Variants in HUWE1 observed in about 807,000 individuals in gnomAD.
HUWE1 encodes HECT, UBA and WWE domain containing E3 ubiquitin protein ligase 1, also known as E3 ubiquitin-protein ligase HUWE1.
Under a neutral mutation model 299.4 loss-of-function variants are expected in HUWE1, and 18 were observed. That is an observed-to-expected ratio of 0.06 (90% CI 0.04 to 0.09). The LOEUF is 0.09. Ranked by LOEUF, HUWE1 falls within the 10% of genes least tolerant of loss-of-function variation. HUWE1 has a pLI of 1.00. For synonymous variants in HUWE1, 1,317 were observed against 1,286.1 expected (o/e 1.02, Z -0.51); for missense variants, 1,832 against 3,462.3 (o/e 0.53, Z 11.82).
chrX:53,612,037 T>G (rs1557002854), intron 23 of HUWE1, among the ~76,000 whole-genome samples: 1 of 111,404 alleles, frequency 9.0e-6, no homozygotes, highest in Admixed American at 9.5e-5. Flanking sequence ...TCCAAATCTT[T>G]CTAAGCCCTT....
At chrX:53,679,519 G>T (rs2070018576) in intron 3 of HUWE1, among the ~76,000 whole-genome samples, 1 of 112,021 alleles carries the variant, frequency 8.9e-6, no homozygotes, top group East Asian at 2.8e-4. Flanking sequence ...GCTGGGCCTG[G>T]TGGCTCACGC....
At chrX:53,681,520 A>G (rs1336834108) in intron 2 of HUWE1, among the ~76,000 whole-genome samples, 2 of 111,561 alleles carry the variant, frequency 1.8e-5, no homozygotes, top group Non-Finnish European at 3.8e-5. Context: ...TAAAATGGCA[A>G]TAACACAACA....
Position 53,607,620 on chromosome X carries a change from A to G in HUWE1, c.2399T>C (p.Leu800Ser). 1.7e-6 allele frequency: 2 copies of G among 1,207,296 alleles called. No homozygotes were observed. The highest frequency in any genetic ancestry group is 2.2e-6 in the Non-Finnish European group (2 of 891,280). Residue 800 changes from leucine to serine, a missense_variant, in exon 25 of 84, where the codon TTG becomes TCG. Leu to Ser is a moderately radical substitution (Grantham distance 145, BLOSUM62 -2). This residue lies in a region of HUWE1 where 658 missense variants were observed against 1,282.6 expected (regional missense o/e 0.51). Transcript: ENST00000262854. ...CQEFVNQKGL[L>S]PLVTILGLPN... ...AAGACCCAAAATGGTAACCAAAGGCAACAGTCCTTTCTGATTCACAAATTC... is the reference window on the plus strand; with the variant it reads ...AAGACCCAAAATGGTAACCAAAGGCGACAGTCCTTTCTGATTCACAAATTC...
In HUWE1 at chrX:53,631,405, A is replaced by ACAT. The variant is rs1165196414; in HGVS notation, c.762+6_762+8dup. On this transcript the variant is annotated intron_variant, in intron 11 of 83. Transcript: ENST00000262854. ...CACATCCTGTGGATGTTTTAAAGCC[A>ACAT]CATCATACCTGCTTATCCTTAGGAA... The ACAT allele has an allele frequency of 8.5e-7, 1 of 1,177,528 alleles. No individual in the cohort carries two copies. Among genetic ancestry groups the ACAT allele is most frequent in the African/African-American group, 1.8e-5 (1 of 56,417 alleles).
In HUWE1 at chrX:53,681,234, G is replaced by A. The variant is rs782602733; in HGVS notation, c.-162-1048C>T. Among the ~76,000 whole-genome samples, 257 of 110,252 alleles carry A rather than the reference G, an allele frequency of 2.3e-3. 3 individuals are homozygous for A. Among genetic ancestry groups the A allele is most frequent in the Middle Eastern group, 0.019 (4 of 216 alleles). On this transcript the variant is annotated intron_variant, in intron 2 of 83. Coordinates refer to ENST00000262854, the MANE Select transcript of HUWE1 (RefSeq NM_031407.7). ...GCGGATCACGAGGTCAGGAGATCGA[G>A]ACCATCCTGGCCAACGTGGTGAAAC...
intron 78 of HUWE1, chrX:53,537,185 TCTC>T (rs1556913817): frequency 2.7e-5 from 7 of 260,654 alleles, no homozygotes; most frequent in Non-Finnish European, 4.9e-5. Flanking sequence ...AAACTGCTGA[TCTC>T]CTCTAGGTGG....
intron 32 of HUWE1, 32 bp from the exon 33 acceptor site, chrX:53,592,660 AT>A: frequency 9.7e-7 from 1 of 1,033,379 alleles, no homozygotes; most frequent in Non-Finnish European, 1.3e-6. Context: ...TGTGAAAATC[AT>A]TTTGCTTCAA....
At chrX:53,561,690 T>C (rs931180700) in intron 55 of HUWE1, 66 bp downstream of exon 55, 1 of 1,202,910 alleles carries the variant, frequency 8.3e-7, no homozygotes, top group Non-Finnish European at 1.1e-6. Context: ...GTCCACTGCT[T>C]GGCTTACCCT....
Position 53,542,517 on chromosome X carries a change from G to A in HUWE1, c.11402C>T (p.Ala3801Val), listed in dbSNP as rs2147080470. 1.7e-6 allele frequency: 2 copies of A among 1,196,015 alleles called. No individual in the cohort carries two copies. Among genetic ancestry groups the A allele is most frequent in the Non-Finnish European group, 1.1e-6 (1 of 881,230 alleles). ...AATSESSQSE[A>V]SVRREESPMD... The stretch of plus-strand genomic sequence containing the variant: ...GGGTGATTCCTCCCTCCGGACAGAC[G>A]CCTCTGACTGGCTAGACTCCGACTG... The change falls in exon 74 of 84, where the codon GCG becomes GTG. Residue 3801 changes from alanine to valine, a missense_variant. Physicochemically the swap from Ala to Val is moderately conservative, Grantham distance 64. Transcript: ENST00000262854.
intron 40 of HUWE1, among the ~76,000 whole-genome samples, chrX:53,584,732 C>T (rs1363063354): frequency 1.8e-5 from 2 of 111,657 alleles, no homozygotes; most frequent in East Asian, 2.8e-4. Context: ...CCTCCTAACA[C>T]GTTAGGAATG....
chrX:53,559,607 C>G, intron 56 of HUWE1, 75 bp from the exon 57 acceptor site: 1 of 825,059 alleles, frequency 1.2e-6, no homozygotes, highest in South Asian at 2.2e-5. Context: ...ATGAGATCCT[C>G]TTCATGCATC....
At chrX:53,604,870 A>G (rs374074848) in intron 25 of HUWE1, 36 bp from the exon 26 acceptor site, 2 of 1,141,420 alleles carry the variant, frequency 1.8e-6, no homozygotes, top group African/African-American at 3.6e-5. Flanking sequence ...GTTAATATAC[A>G]ATGAACTTCA....
intron 3 of HUWE1, among the ~76,000 whole-genome samples, chrX:53,675,287 T>A (rs1451016260): frequency 9.0e-6 from 1 of 111,588 alleles, no homozygotes; most frequent in Non-Finnish European, 1.9e-5. Context: ...TATTGTAATG[T>A]CAACTGCACA....
intron 77 of HUWE1, 25 bp from the exon 78 acceptor site, chrX:53,537,721 G>C (rs201683854): frequency 8.3e-7 from 1 of 1,201,326 alleles, no homozygotes; most frequent in Admixed American, 2.2e-5. Flanking sequence ...AAGGAAGGAA[G>C]ATAGGATTAA....
Position 53,557,444 on chromosome X carries a change from T to C in HUWE1, c.8161-17A>G, listed in dbSNP as rs1042807369. 6 of 1,190,489 alleles carry C rather than the reference T, an allele frequency of 5.0e-6. No homozygotes were observed. Among genetic ancestry groups the C allele is most frequent in the South Asian group, 3.5e-5 (2 of 56,410 alleles). Reference sequence around the variant, plus strand: ...TGCAGTACACTGCAAAAAGAAGGGATAGACCAATGTGGGACTTTGCAAGCA... The same window carrying C: ...TGCAGTACACTGCAAAAAGAAGGGACAGACCAATGTGGGACTTTGCAAGCA... On this transcript the variant is annotated splice_polypyrimidine_tract_variant and intron_variant, in intron 59 of 83. Coordinates refer to ENST00000262854, the MANE Select transcript of HUWE1 (RefSeq NM_031407.7).
At chrX:53,561,697 C>T in intron 55 of HUWE1, 59 bp downstream of exon 55, 1 of 1,207,128 alleles carries the variant, frequency 8.3e-7, no homozygotes, top group South Asian at 1.8e-5. Flanking sequence ...GCTTGGCTTA[C>T]CCTAGAGAAG....
intron 23 of HUWE1, among the ~76,000 whole-genome samples, chrX:53,609,917 GAA>G (rs782054547): frequency 8.9e-6 from 1 of 111,806 alleles, no homozygotes; most frequent in Non-Finnish European, 1.9e-5. Context: ...TATAGAACAG[GAA>G]AAGAGAGTGG....
At position 53,534,693 on chromosome X, in the gene HUWE1, G is replaced by A; in HGVS notation, c.12654C>T (p.Ala4218=). The A allele has an allele frequency of 8.3e-7, 1 of 1,209,981 alleles. No individual in the cohort carries two copies. The highest frequency in any genetic ancestry group is 2.2e-5 in the Admixed American group (1 of 45,903). ...HLVCQMRMTG[A]IRKQLAAFLE... ...AGAAAGCCGCCAACTGCTTGCGGAT[G>A]GCTCCTGGTGAGATAACCAAAAAGC... The change falls in exon 82 of 84, where the codon GCC becomes GCT. Residue 4218 remains alanine (A), a synonymous_variant. Coordinates refer to ENST00000262854, the MANE Select transcript of HUWE1 (RefSeq NM_031407.7).
chrX:53,669,940 G>A (rs1377216235), intron 3 of HUWE1, among the ~76,000 whole-genome samples: 1 of 112,154 alleles, frequency 8.9e-6, no homozygotes, highest in African/African-American at 3.2e-5. Context: ...TTTAAAAATA[G>A]CAAACATGTT....
Sources: allele counts gnomAD v4.1 joint callset (sites outside exome capture counted in the v4.1 genomes callset), GRCh38; gene constraint gnomAD v4.1.1; regional missense constraint gnomAD v4.1.1; transcripts MANE v1.5; gene names NCBI Gene and HGNC (gene_info 2026-07-23, HGNC 2026-07-21).